The following RAPGEF1 variants were observed in gnomAD, a reference collection of about 807,000 sequenced individuals.
The protein encoded by RAPGEF1 is Rap guanine nucleotide exchange factor 1.
In RAPGEF1, 33 loss-of-function variants were observed where a neutral mutation model predicts 143.3. That is an observed-to-expected ratio of 0.23 (90% CI 0.17 to 0.31). The LOEUF (loss-of-function observed/expected upper bound fraction) is 0.31, where lower values mean the gene tolerates loss of function less well. Among genes scored for constraint, RAPGEF1 ranks in the 10% least tolerant of loss-of-function variants. The pLI is 1.00. For missense variants in RAPGEF1, 1,199 were observed against 1,645.4 expected (o/e 0.73, Z 4.69); for synonymous variants, 629 against 676.5 (o/e 0.93, Z 1.09).
At chr9:131,625,265 G>A (rs571518758) in intron 10 of RAPGEF1, among the ~76,000 whole-genome samples, 7 of 152,206 alleles carry the variant, frequency 4.6e-5, no homozygotes, top group Non-Finnish European at 1.0e-4. Context: ...CAGAAGTGTG[G>A]AGCAGTTAGG....
At chr9:131,713,891 T>C (rs556788881) in intron 1 of RAPGEF1, among the ~76,000 whole-genome samples, 1 of 152,322 alleles carries the variant, frequency 6.6e-6, no homozygotes, top group South Asian at 2.1e-4. Flanking sequence ...CCTATAAATC[T>C]CCAAGCTTTA....
chr9:131,666,963 T>C (rs543799212), intron 1 of RAPGEF1, among the ~76,000 whole-genome samples: 2 of 152,224 alleles, frequency 1.3e-5, no homozygotes, highest in Non-Finnish European at 2.9e-5. Context: ...TGCTGAGGTC[T>C]TGAAGGTGGC....
intron 9 of RAPGEF1, among the ~76,000 whole-genome samples, chr9:131,627,213 C>CAAAAAAAAAAAAAAAAA (rs10690802): frequency 1.6e-4 from 16 of 97,392 alleles, no homozygotes; most frequent in Admixed American, 3.4e-4. Context: ...GGCTCTGTCT[C>CAAAAAAAAAAAAAAAAA]AAAAAAAAAA....
intron 1 of RAPGEF1, among the ~76,000 whole-genome samples, chr9:131,706,827 G>C (rs184161893): frequency 7.9e-5 from 12 of 152,252 alleles, no homozygotes; most frequent in African/African-American, 2.2e-4. Flanking sequence ...CTGGTCAGTG[G>C]GGCCTGTGAA....
At chr9:131,701,585 GCAT>G (rs766311615) in intron 1 of RAPGEF1, among the ~76,000 whole-genome samples, 25 of 151,964 alleles carry the variant, frequency 1.6e-4, no homozygotes, top group Admixed American at 2.6e-4. Flanking sequence ...ATATATTATT[GCAT>G]CATATGTTAT....
intron 22 of RAPGEF1, among the ~76,000 whole-genome samples, chr9:131,586,943 CCTGCAGAGCGAGACTCCGTCTCAA>C (rs1588197743): frequency 8.7e-6 from 1 of 114,948 alleles, no homozygotes; most frequent in African/African-American, 3.5e-5. Flanking sequence ...CACACACACA[CCTGCAGAGCGAGACTCCGTCTCAA>C]ACACACACAC....
At chr9:131,638,138 A>G (rs1011123563) in intron 5 of RAPGEF1, among the ~76,000 whole-genome samples, 1 of 152,162 alleles carries the variant, frequency 6.6e-6, no homozygotes, top group Non-Finnish European at 1.5e-5. Context: ...AGGATTCACA[A>G]TTTCTTATGC....
rs375652805 is a variant in RAPGEF1, at chr9:131,733,094, A to T, written c.61+6676T>A. 9.2e-5 allele frequency among the ~76,000 whole-genome samples: 14 copies of T among 152,222 alleles called. No homozygotes were observed. The East Asian group carries it at 9.7e-4, about 11-fold the overall frequency. On this transcript the variant is annotated intron_variant, in intron 1 of 26. Coordinates refer to ENST00000683357, the MANE Select transcript of RAPGEF1 (RefSeq NM_001377935.1). ...GAGAGCATCGAGGAAGTGGGTTTTCACATTGTGTTTGGGGTGGAGGGTCCA... is the reference window on the plus strand; with the variant it reads ...GAGAGCATCGAGGAAGTGGGTTTTCTCATTGTGTTTGGGGTGGAGGGTCCA...
chr9:131,635,092 C>T (rs1966016268), intron 5 of RAPGEF1, among the ~76,000 whole-genome samples: 1 of 152,116 alleles, frequency 6.6e-6, no homozygotes, highest in African/African-American at 2.4e-5. Flanking sequence ...GATAAGACTA[C>T]CTGGAAAAGA....
At chr9:131,625,365 C>G (rs1962648344) in intron 10 of RAPGEF1, among the ~76,000 whole-genome samples, 1 of 152,206 alleles carries the variant, frequency 6.6e-6, no homozygotes, top group Non-Finnish European at 1.5e-5. Flanking sequence ...AACTTCAGCT[C>G]CAACCCTGGG....
rs1167088283 is a variant in RAPGEF1, at chr9:131,642,386, C to T, written c.494+853G>A. Among the ~76,000 whole-genome samples the T allele has an allele frequency of 1.3e-5, 2 of 152,222 alleles. 1 individual carries two copies. The highest frequency in any genetic ancestry group is 4.1e-4 in the South Asian group (2 of 4,832). ...AAGGTTCCTAATACTACACCCTACC[C>T]GACTGGCTCTAGCTGGTGGCCAGAG... On this transcript the variant is annotated intron_variant, in intron 4 of 26. Coordinates refer to ENST00000683357, the MANE Select transcript of RAPGEF1 (RefSeq NM_001377935.1).
intron 1 of RAPGEF1, among the ~76,000 whole-genome samples, chr9:131,651,813 TA>T (rs1971147519): frequency 6.6e-6 from 1 of 152,172 alleles, no homozygotes; most frequent in African/African-American, 2.4e-5. Context: ...GCAAATGTCA[TA>T]GAGTATACTC....
intron 1 of RAPGEF1, among the ~76,000 whole-genome samples, chr9:131,685,234 G>A (rs923526971): frequency 1.3e-5 from 2 of 152,166 alleles, no homozygotes; most frequent in Admixed American, 6.5e-5. Flanking sequence ...TGACTCCTGC[G>A]AGAAGTAGCT....
chr9:131,734,103 C>CT (rs1398597412), intron 1 of RAPGEF1, among the ~76,000 whole-genome samples: 1 of 151,966 alleles, frequency 6.6e-6, no homozygotes, highest in Non-Finnish European at 1.5e-5. Context: ...ATTGGTAGAT[C>CT]TTTTTTTTCA....
At chr9:131,678,649 A>G (rs1832645790) in intron 1 of RAPGEF1, among the ~76,000 whole-genome samples, 1 of 152,170 alleles carries the variant, frequency 6.6e-6, no homozygotes, top group African/African-American at 2.4e-5. Context: ...CTGAGGCCCA[A>G]TGTTTGCAGC....
intron 20 of RAPGEF1, 26 bp from the exon 21 acceptor site, chr9:131,588,052 C>T: frequency 6.3e-7 from 1 of 1,594,680 alleles, no homozygotes; most frequent in African/African-American, 1.3e-5. Context: ...GTGAGAAGAG[C>T]CGTCAGGGGT....
At chr9:131,591,928 G>T (rs1326374431) in intron 18 of RAPGEF1, among the ~76,000 whole-genome samples, 171 bp downstream of exon 18, 1 of 152,218 alleles carries the variant, frequency 6.6e-6, no homozygotes, top group African/African-American at 2.4e-5. Context: ...CTGGAATGCG[G>T]GAGGGTAGAG....
At chr9:131,704,791 G>A (rs1834926822) in intron 1 of RAPGEF1, among the ~76,000 whole-genome samples, 1 of 152,116 alleles carries the variant, frequency 6.6e-6, no homozygotes, top group South Asian at 2.1e-4. Context: ...AGAAGGAAAG[G>A]AGCCAGTCAG....
intron 17 of RAPGEF1, among the ~76,000 whole-genome samples, chr9:131,593,605 T>C (rs1209112470): frequency 2.6e-5 from 4 of 152,206 alleles, no homozygotes; most frequent in African/African-American, 9.6e-5. Context: ...TCATGCTGGC[T>C]TGGCTCCTGC....
Sources: allele counts gnomAD v4.1 joint callset (sites outside exome capture counted in the v4.1 genomes callset), GRCh38; gene constraint gnomAD v4.1.1; transcripts MANE v1.5; gene names NCBI Gene and HGNC (gene_info 2026-07-23, HGNC 2026-07-21).